The following SWT1 variants were observed in gnomAD, a reference collection of about 807,000 sequenced individuals.
SWT1 encodes SWT1 RNA endoribonuclease homolog.
Under a neutral mutation model 107.3 loss-of-function variants are expected in SWT1, and 33 were observed. The ratio of observed to expected loss-of-function variants is 0.31; its 90% CI spans 0.23 to 0.41. The LOEUF is 0.41. Ranked by LOEUF, SWT1 falls within the 10% of genes least tolerant of loss-of-function variation. SWT1 has a pLI of 1.00. For missense variants in SWT1, 898 were observed against 1,028.9 expected, an observed-to-expected ratio of 0.87 and a Z score of 1.74; for synonymous variants, 345 against 348.3, an observed-to-expected ratio of 0.99 and a Z score of 0.11.
chr1:185,165,062 G>T (rs1654457784), intron 2 of SWT1, among the ~76,000 whole-genome samples: 1 of 152,132 alleles, frequency 6.6e-6, no homozygotes, highest in Non-Finnish European at 1.5e-5. Context: ...TCATTAGTAG[G>T]CTTAATTTCA....
intron 16 of SWT1, among the ~76,000 whole-genome samples, chr1:185,246,522 C>T (rs1661617882): frequency 6.6e-6 from 1 of 151,990 alleles, no homozygotes; most frequent in African/African-American, 2.4e-5. Flanking sequence ...AGCTATCCAC[C>T]CTCCTCAGTC....
intron 3 of SWT1, 22 bp downstream of exon 3, chr1:185,166,674 AC>A (rs755013819): frequency 7.1e-7 from 1 of 1,418,140 alleles, no homozygotes; most frequent in Non-Finnish European, 9.8e-7. Context: ...GATATAACTA[AC>A]TAAAAGTTAT....
At chr1:185,161,312 T>A (rs1228966302) in intron 2 of SWT1, among the ~76,000 whole-genome samples, 1 of 152,218 alleles carries the variant, frequency 6.6e-6, no homozygotes, top group African/African-American at 2.4e-5. Flanking sequence ...TAGGATTGCA[T>A]TCTTATCAGT....
intron 14 of SWT1, among the ~76,000 whole-genome samples, chr1:185,218,871 A>G (rs765392443): frequency 2.0e-5 from 3 of 152,202 alleles, no homozygotes; most frequent in Non-Finnish European, 4.4e-5. Context: ...TGCTGGCCTT[A>G]GAATTGTCAC....
intron 3 of SWT1, among the ~76,000 whole-genome samples, chr1:185,167,699 A>G (rs1399553090): frequency 1.3e-5 from 2 of 152,054 alleles, no homozygotes; most frequent in Non-Finnish European, 2.9e-5. Flanking sequence ...TTCTTCCTTG[A>G]AAGAGGCCCT....
At chr1:185,209,037 G>C (rs1164090343) in intron 13 of SWT1, among the ~76,000 whole-genome samples, 1 of 152,090 alleles carries the variant, frequency 6.6e-6, no homozygotes. Context: ...AGAATGTCTA[G>C]TGATAAACCC....
At chr1:185,278,983 C>G (rs1664437951) in intron 18 of SWT1, among the ~76,000 whole-genome samples, 1 of 152,182 alleles carries the variant, frequency 6.6e-6, no homozygotes, top group South Asian at 2.1e-4. Context: ...GATTGATAGT[C>G]ATACACAAAT....
intron 1 of SWT1, among the ~76,000 whole-genome samples, chr1:185,158,093 G>C (rs57853329): frequency 6.6e-6 from 1 of 152,130 alleles, no homozygotes; most frequent in Admixed American, 6.5e-5. Flanking sequence ...CAAGACGCGC[G>C]CTTCCAGTTA....
At chr1:185,231,844 T>G (rs181806431) in intron 16 of SWT1, 136 bp downstream of exon 16, 5 of 607,598 alleles carry the variant, frequency 8.2e-6, no homozygotes, top group Admixed American at 3.1e-5. Flanking sequence ...TCAAGTGCTT[T>G]CTTTTGTGGC....
At chr1:185,241,422 C>T (rs572537537) in intron 16 of SWT1, among the ~76,000 whole-genome samples, 3 of 152,244 alleles carry the variant, frequency 2.0e-5, no homozygotes, top group Non-Finnish European at 4.4e-5. Context: ...ACTTAGTTAC[C>T]TTCTCAGACT....
chr1:185,254,713 A>T (rs1662340122), intron 16 of SWT1, among the ~76,000 whole-genome samples: 1 of 150,764 alleles, frequency 6.6e-6, no homozygotes, highest in African/African-American at 2.4e-5. Flanking sequence ...AATTTTGTTG[A>T]TCCTTTCAAA....
At chr1:185,246,243 G>A (rs1233910406) in intron 16 of SWT1, among the ~76,000 whole-genome samples, 2 of 151,932 alleles carry the variant, frequency 1.3e-5, no homozygotes, top group African/African-American at 4.8e-5. Flanking sequence ...AATGGCCAGA[G>A]GGACAGATCT....
intron 16 of SWT1, among the ~76,000 whole-genome samples, chr1:185,257,318 G>T (rs1355425662): frequency 6.6e-6 from 1 of 152,136 alleles, no homozygotes; most frequent in Non-Finnish European, 1.5e-5. Flanking sequence ...CCCAGTTCGA[G>T]CTTCCTGGCT....
intron 10 of SWT1, among the ~76,000 whole-genome samples, chr1:185,201,342 C>A (rs6670117): frequency 6.6e-6 from 1 of 151,834 alleles, no homozygotes; most frequent in African/African-American, 2.4e-5. Flanking sequence ...CCTAAATGGC[C>A]GCCCAGTTTT....
At chr1:185,159,105 A>G (rs888296961) in intron 1 of SWT1, among the ~76,000 whole-genome samples, 1 of 152,228 alleles carries the variant, frequency 6.6e-6, no homozygotes, top group Admixed American at 6.5e-5. Context: ...CCAAGACAGA[A>G]CAAGGCAGAC....
At position 185,174,989 on chromosome 1, in the gene SWT1, G is replaced by C; in HGVS notation, c.842G>C (p.Arg281Thr). 1 of 1,613,780 alleles carries C rather than the reference G, an allele frequency of 6.2e-7. No homozygotes were observed. ...TCCCAGGTTTCATTAAATGTGACTA[G>C]GCAGAAAACTGAACATTTACTTTCA... ...ESSQVSLNVT[R>T]QKTEHLLSDF... Residue 281 changes from arginine (R) to threonine (T), a missense_variant, in exon 5 of 19, where the codon AGG becomes ACG. This residue lies in a region of SWT1 where 382 missense variants were observed against 362.4 expected (regional missense o/e 1.05). Transcript: ENST00000367500.
rs771414107 is a variant in SWT1 at position 185,174,688 on chromosome 1, G to C, written c.541G>C (p.Glu181Gln). 8.1e-6 allele frequency: 13 copies of C among 1,613,650 alleles called. No homozygotes were observed. Among genetic ancestry groups the C allele is most frequent in the African/African-American group, 2.7e-5 (2 of 74,916 alleles). ...NKWSHLLVQR[E>Q]KMKELKKGRN... ...ATGGTCTCATTTACTTGTTCAGAGA[G>C]AGAAGATGAAAGAACTCAAGAAAGG... The change falls in exon 5 of 19, where the codon GAG (glutamate) becomes CAG (glutamine). Residue 181 changes from glutamate to glutamine, a missense_variant. By Grantham distance (29) the Glu-to-Gln change is conservative (BLOSUM62 2). Around this residue, in one of 6 missense-constraint regions of SWT1, gnomAD observed 382 missense variants for 362.4 expected, o/e 1.05. Coordinates refer to ENST00000367500, the MANE Select transcript of SWT1 (RefSeq NM_017673.7).
chr1:185,242,042 C>T lies in SWT1; in HGVS notation c.2441+10334C>T, dbSNP rs889981379. ...ACTTATGGATTACTCTCTAGATCAA[C>T]TATGTAAAATAGGGCTAGTAGAAGG... On this transcript the variant is annotated intron_variant, in intron 16 of 18. Transcript: ENST00000367500. Among the ~76,000 whole-genome samples the T allele has an allele frequency of 3.9e-5, 6 of 151,972 alleles. No homozygotes were observed. The South Asian group carries it at 1.0e-3, about 26-fold the overall frequency.
rs1360064755 is a variant in SWT1, at chr1:185,204,773, T to G, written c.1743T>G (p.Ile581Met). 4 of 1,597,914 alleles carry G rather than the reference T, an allele frequency of 2.5e-6. No homozygotes were observed. The African/African-American group carries it at 5.4e-5, about 22-fold the overall frequency. ...NSGLSILLES[I>M]VSDLEKSLGT... ...GACTGTCCATTCTGCTTGAGAGCAT[T>G]GTATCTGATCTTGAAAAATCTCTTG... The change falls in exon 12 of 19, where the codon ATT (isoleucine) becomes ATG (methionine). Residue 581 changes from isoleucine (I) to methionine (M), a missense_variant. Physicochemically the swap from Ile to Met is conservative, Grantham distance 10. Transcript: ENST00000367500.
Sources: allele counts gnomAD v4.1 joint callset (sites outside exome capture counted in the v4.1 genomes callset), GRCh38; gene constraint gnomAD v4.1.1; regional missense constraint gnomAD v4.1.1; transcripts MANE v1.5; gene names NCBI Gene and HGNC (gene_info 2026-07-23, HGNC 2026-07-21).